The following TRO variants were observed in gnomAD, a reference collection of about 807,000 sequenced individuals.
TRO encodes the protein trophinin.
TRO carries 29 observed loss-of-function variants against 42.3 expected under a neutral mutation model. The ratio of observed to expected loss-of-function variants is 0.68; its 90% CI spans 0.51 to 0.93. The LOEUF (loss-of-function observed/expected upper bound fraction) is 0.93, where lower values mean the gene tolerates loss of function less well. Among genes scored for constraint, TRO ranks in the 40% least tolerant of loss-of-function variants. The pLI, the probability that TRO is intolerant of heterozygous loss-of-function variation, is 0.00. For synonymous variants in TRO, 384 were observed against 425.2 expected (o/e 0.90, Z 1.19); for missense variants, 963 against 1,127.7 (o/e 0.85, Z 2.09).
At chrX:54,926,125 CA>C (rs781181878) in intron 7 of TRO, among the ~76,000 whole-genome samples, 2 of 112,096 alleles carry the variant, frequency 1.8e-5, no homozygotes, top group African/African-American at 6.5e-5. Context: ...TGTGTTGTAC[CA>C]GGTTGACAGC....
At position 54,929,634 on chromosome X, in the gene TRO, TG is replaced by T; in HGVS notation, c.2912del (p.Gly971ValfsTer23). ...CTCCCAGCACTGGTGCTGGCTTTGG[TG>T]GTGCTCTCAACACCAGTGCCAGCTT... ...GSPSTGAGFG[G>X]ALNTSASFGS... On this transcript the variant is annotated frameshift_variant, in exon 12 of 13. Coordinates refer to ENST00000173898, the MANE Select transcript of TRO (RefSeq NM_001039705.3). LOFTEE classifies it low-confidence loss of function (END_TRUNC). 2 of 1,211,537 alleles carry T rather than the reference TG, an allele frequency of 1.7e-6. No homozygotes were observed. Among genetic ancestry groups the T allele is most frequent in the Non-Finnish European group, 2.2e-6 (2 of 895,366 alleles).
Position 54,930,875 on chromosome X carries a change from G to A in TRO, c.4151G>A (p.Ser1384Asn). 1 of 1,210,191 alleles carries A rather than the reference G, an allele frequency of 8.3e-7. No individual in the cohort carries two copies. The highest frequency in any genetic ancestry group is 1.1e-6 in the Non-Finnish European group (1 of 894,955). Reference protein sequence around the residue: ...GVGFCSGPSTSGFSGGPSTGA... With the variant: ...GVGFCSGPSTNGFSGGPSTGA... Reference sequence around the variant, plus strand: ...GGCTTCTGCAGTGGACCAAGCACCAGTGGCTTCAGCGGTGGACCGAGCACA... The same window carrying A: ...GGCTTCTGCAGTGGACCAAGCACCAATGGCTTCAGCGGTGGACCGAGCACA... The change falls in exon 12 of 13, where the codon AGT becomes AAT. Residue 1384 changes from serine (S) to asparagine (N), a missense_variant. Around this residue, in one of 2 missense-constraint regions of TRO, gnomAD observed 641 missense variants for 811.3 expected, o/e 0.79. Transcript: ENST00000173898.
rs368921208 is a variant in TRO, at chrX:54,929,843, G to T, written c.3119G>T (p.Gly1040Val). Reference protein sequence around the residue: ...GGAVSTNTDFGGTLSTSVCFG... With the variant: ...GGAVSTNTDFVGTLSTSVCFG... ...GCTGTCAGCACCAACACTGACTTTG[G>T]TGGTACACTAAGCACCAGCGTCTGT... The change falls in exon 12 of 13, where the codon GGT becomes GTT. Residue 1040 changes from glycine to valine, a missense_variant. Transcript: ENST00000173898. The T allele has an allele frequency of 8.3e-7, 1 of 1,210,639 alleles. No individual in the cohort carries two copies. The highest frequency in any genetic ancestry group is 1.7e-5 in the African/African-American group (1 of 57,450).
chrX:54,931,244 G>A lies in TRO; in HGVS notation c.*52G>A. On this transcript the variant is annotated 3_prime_UTR_variant, in exon 13 of 13. Transcript: ENST00000173898. ...TTACAGATACCGCTAATAAATTGCAGTAGTCCTTCCCATGGAGCCAAAGTA... is the reference window on the plus strand; with the variant it reads ...TTACAGATACCGCTAATAAATTGCAATAGTCCTTCCCATGGAGCCAAAGTA... The A allele has an allele frequency of 8.3e-7, 1 of 1,211,881 alleles. No homozygotes were observed. The highest frequency in any genetic ancestry group is 1.1e-6 in the Non-Finnish European group (1 of 895,401).
intron 2 of TRO, 106 bp downstream of exon 2, chrX:54,922,397 C>T (rs1167961115): frequency 3.0e-6 from 3 of 990,591 alleles, no homozygotes; most frequent in African/African-American, 3.8e-5. Context: ...CTGCCTAACT[C>T]GTCTCAGTCC....
At chrX:54,925,163 C>A in intron 6 of TRO, 95 bp downstream of exon 6, 2 of 863,510 alleles carry the variant, frequency 2.3e-6, no homozygotes, top group Non-Finnish European at 1.6e-6. Context: ...CAGAAACATG[C>A]TAATCCAGCC....
At chrX:54,922,092 GA>G in intron 1 of TRO, 110 bp from the exon 2 acceptor site, 1 of 560,842 alleles carries the variant, frequency 1.8e-6, no homozygotes, top group Non-Finnish European at 2.7e-6. Context: ...TTTTAGGTAT[GA>G]AAACCCAGGA....
chrX:54,922,218 G>T lies in TRO; in HGVS notation c.-29G>T. On this transcript the variant is annotated 5_prime_UTR_variant, in exon 2 of 13. Transcript: ENST00000173898. ...TCTAACTCAGGCCCATTCCCCTCAG[G>T]CTCACCTGTTACTCGGCCTCCCAGA... 8.3e-7 allele frequency: 1 copy of T among 1,204,537 alleles called. No individual in the cohort carries two copies. The highest frequency in any genetic ancestry group is 2.2e-5 in the Admixed American group (1 of 45,555).
intron 1 of TRO, 59 bp downstream of exon 1, chrX:54,920,937 C>G (rs908039247): frequency 6.3e-5 from 7 of 111,056 alleles, no homozygotes; most frequent in Non-Finnish European, 5.7e-5. Flanking sequence ...GCTGCGGCTT[C>G]GACGTGCCTG....
In TRO at chrX:54,931,400, G is replaced by A; in HGVS notation, c.*208G>A. Reference sequence around the variant, plus strand: ...GCTTTCTGTGTGCTGTCATATTTTGGTATCAGAGTTACATTAAATTTGCAA... The same window carrying A: ...GCTTTCTGTGTGCTGTCATATTTTGATATCAGAGTTACATTAAATTTGCAA... On this transcript the variant is annotated 3_prime_UTR_variant, in exon 13 of 13. Coordinates refer to ENST00000173898, the MANE Select transcript of TRO (RefSeq NM_001039705.3). The A allele has an allele frequency of 8.8e-7, 1 of 1,135,365 alleles. No homozygotes were observed. The highest frequency in any genetic ancestry group is 1.8e-5 in the African/African-American group (1 of 56,129). 93.6% of individuals were successfully genotyped at this position (1,135,365 alleles called of 1,213,427 possible). A position where few individuals can be genotyped will look rare whatever the true frequency, so the allele number is the denominator to read the frequency against.
rs183899486 is a variant in TRO at position 54,922,221 on chromosome X, C to T, written c.-26C>T. 48 of 1,204,356 alleles carry T rather than the reference C, an allele frequency of 4.0e-5. No individual in the cohort carries two copies. In the East Asian group the frequency reaches 1.2e-3, roughly 30 times the overall value. On this transcript the variant is annotated 5_prime_UTR_variant, in exon 2 of 13. Coordinates refer to ENST00000173898, the MANE Select transcript of TRO (RefSeq NM_001039705.3). ...AACTCAGGCCCATTCCCCTCAGGCT[C>T]ACCTGTTACTCGGCCTCCCAGAAAG...
chrX:54,924,600 C>T (rs758673337), intron 4 of TRO, 45 bp downstream of exon 4: 1 of 1,197,570 alleles, frequency 8.4e-7, no homozygotes, highest in South Asian at 1.8e-5. Flanking sequence ...TTCACTTGCC[C>T]TCTTCTCTGC....
intron 6 of TRO, among the ~76,000 whole-genome samples, 179 bp downstream of exon 6, chrX:54,925,247 G>A (rs1932610485): frequency 9.0e-6 from 1 of 111,004 alleles, no homozygotes; most frequent in South Asian, 3.9e-4. Context: ...CAGCATGTCA[G>A]TGATGAAAAC....
Position 54,926,589 on chromosome X carries a change from T to C in TRO, c.1664T>C (p.Ile555Thr). 8.3e-7 allele frequency: 1 copy of C among 1,211,959 alleles called. No individual in the cohort carries two copies. The highest frequency in any genetic ancestry group is 1.1e-6 in the Non-Finnish European group (1 of 895,564). Residue 555 changes from isoleucine (I) to threonine (T), a missense_variant, in exon 9 of 13, where the codon ATC (isoleucine) becomes ACC (threonine). Around this residue, in one of 2 missense-constraint regions of TRO, gnomAD observed 641 missense variants for 811.3 expected, o/e 0.79. Transcript: ENST00000173898. ...CTCTTGCCTCCCCTCACAGCTGTCA[T>C]CTGGGAGGTGCTGCGCAAGTTGGGG... ...MNGNKASEAV[I>T]WEVLRKLGLR...
In TRO at chrX:54,923,748, C is replaced by T. The variant is rs760650407; in HGVS notation, c.1216C>T (p.Arg406Trp). 15 of 1,203,383 alleles carry T rather than the reference C, an allele frequency of 1.2e-5. No homozygotes were observed. In the East Asian group the frequency reaches 3.0e-4, roughly 24 times the overall value. ...QLSLEPTTRT[R>W]GKRNRKSKHL... is the part of the protein sequence containing the mutation. ...GAGCCTGGAGCCCACAACCAGGACC[C>T]GGGGCAAAAGAAACCGAAAGGTGAG... is the stretch of plus-strand genomic sequence containing the variant. Residue 406 changes from arginine to tryptophan, a missense_variant, in exon 3 of 13, where the codon CGG becomes TGG. By Grantham distance (101) the Arg-to-Trp change is moderately radical (BLOSUM62 -3). Coordinates refer to ENST00000173898, the MANE Select transcript of TRO (RefSeq NM_001039705.3).
Position 54,930,404 on chromosome X carries a change from C to G in TRO, c.3680C>G (p.Ala1227Gly), listed in dbSNP as rs1933037389. 7 of 1,210,872 alleles carry G rather than the reference C, an allele frequency of 5.8e-6. No homozygotes were observed. Among genetic ancestry groups the G allele is most frequent in the Non-Finnish European group, 7.8e-6 (7 of 895,138 alleles). The change falls in exon 12 of 13, where the codon GCT becomes GGT. Residue 1227 changes from alanine to glycine, a missense_variant. Ala to Gly is a moderately conservative substitution (Grantham distance 60, BLOSUM62 0). This residue lies in a region of TRO where 641 missense variants were observed against 811.3 expected (regional missense o/e 0.79). Transcript: ENST00000173898. ...TTTGGTGGTGGCCTAGGCACCAGTG[C>G]TGGCTTCAGTGGTGGCCTAAGCACA... ...AGFGGGLGTSAGFSGGLSTSS... is the reference protein window; with the variant it reads ...AGFGGGLGTSGGFSGGLSTSS...
chrX:54,924,847 C>T lies in TRO; in HGVS notation c.1405+114C>T, dbSNP rs752755507. The T allele has an allele frequency of 3.1e-6, 3 of 956,913 alleles. No homozygotes were observed. In the East Asian group the frequency reaches 9.4e-5, roughly 30 times the overall value. The allele number at this position is 956,913 out of a possible 1,213,427, so 78.9% of individuals were successfully genotyped here. Reference sequence around the variant, plus strand: ...GTTCTGTCATATCTCCACACCTGCCCTCCTTGCACTCTGCCATGGCTGGCA... The same window carrying T: ...GTTCTGTCATATCTCCACACCTGCCTTCCTTGCACTCTGCCATGGCTGGCA... On this transcript the variant is annotated intron_variant, in intron 5 of 12. Transcript: ENST00000173898.
In TRO at chrX:54,926,458, C is replaced by T; in HGVS notation, c.1626C>T (p.Val542=). The change falls in exon 8 of 13, where the codon GTC becomes GTT. Residue 542 remains valine, a synonymous_variant. Coordinates refer to ENST00000173898, the MANE Select transcript of TRO (RefSeq NM_001039705.3). Reference sequence around the variant, plus strand: ...GTCTCCTCATGGTGATTCTGAGTGTCATTTTTATGAATGGCAACAAGGCCA... The same window carrying T: ...GTCTCCTCATGGTGATTCTGAGTGTTATTTTTATGAATGGCAACAAGGCCA... ...KLGLLMVILS[V]IFMNGNKASE... is the part of the protein sequence containing the mutation. 8.2e-7 allele frequency: 1 copy of T among 1,212,212 alleles called. No homozygotes were observed.
chrX:54,929,261 G>A lies in TRO; in HGVS notation c.2537G>A (p.Ser846Asn), dbSNP rs1043626931. 1 of 1,212,174 alleles carries A rather than the reference G, an allele frequency of 8.2e-7. No homozygotes were observed. The highest frequency in any genetic ancestry group is 2.2e-5 in the Admixed American group (1 of 46,153). Reference protein sequence around the residue: ...STSATFSGGASSGFGGTLSTT... With the variant: ...STSATFSGGANSGFGGTLSTT... ...AGTGCCACTTTCAGTGGTGGAGCCA[G>A]CTCTGGCTTTGGAGGCACACTCAGC... The change falls in exon 12 of 13, where the codon AGC (serine) becomes AAC (asparagine). Residue 846 changes from serine to asparagine, a missense_variant. Physicochemically the swap from Ser to Asn is conservative, Grantham distance 46 (BLOSUM62 1). Transcript: ENST00000173898.
Sources: allele counts gnomAD v4.1 joint callset (sites outside exome capture counted in the v4.1 genomes callset), GRCh38; gene constraint gnomAD v4.1.1; regional missense constraint gnomAD v4.1.1; transcripts MANE v1.5; gene names NCBI Gene and HGNC (gene_info 2026-07-23, HGNC 2026-07-21).